Variants in SGCZ observed in about 807,000 individuals in gnomAD.
SGCZ encodes zeta-sarcoglycan.
Under a neutral mutation model 41.3 loss-of-function variants are expected in SGCZ, and 40 were observed. That is an observed-to-expected ratio of 0.97 (90% CI 0.75 to 1.26). SGCZ has a LOEUF of 1.26. SGCZ is among the 50% of genes most tolerant of loss of function. The pLI, the probability that SGCZ is intolerant of heterozygous loss-of-function variation, is 0.00. For synonymous variants in SGCZ, 206 were observed against 137.5 expected (o/e 1.50, Z -3.49); for missense variants, 552 against 369.8 (o/e 1.49, Z -4.04).
Position 14,442,430 on chromosome 8 carries a change from A to C in SGCZ, c.234+112302T>G, listed in dbSNP as rs549374275. Reference sequence around the variant, plus strand: ...AGCCATGTGGAACTGTGAGTCCATTAAGTCTCTTTTTCTTTATAAATTACC... The same window carrying C: ...AGCCATGTGGAACTGTGAGTCCATTCAGTCTCTTTTTCTTTATAAATTACC... On this transcript the variant is annotated intron_variant, in intron 2 of 7. Transcript: ENST00000382080. 6.4e-4 allele frequency among the ~76,000 whole-genome samples: 98 copies of C among 152,262 alleles called. 1 individual carries two copies. The highest frequency in any genetic ancestry group is 2.3e-3 in the African/African-American group (96 of 41,568).
intron 1 of SGCZ, among the ~76,000 whole-genome samples, chr8:15,061,046 G>A (rs910604305): frequency 2.6e-5 from 4 of 152,112 alleles, no homozygotes; most frequent in Non-Finnish European, 5.9e-5. Context: ...TACTGGCTAT[G>A]ATTGACCCAA....
At chr8:14,096,027 T>C (rs545197933) in intron 7 of SGCZ, among the ~76,000 whole-genome samples, 5 of 152,306 alleles carry the variant, frequency 3.3e-5, no homozygotes, top group Admixed American at 2.6e-4. Flanking sequence ...GTTTTCTAAA[T>C]ATACAATCAT....
chr8:14,093,766 A>G (rs1024707513), intron 7 of SGCZ, among the ~76,000 whole-genome samples: 5 of 152,154 alleles, frequency 3.3e-5, no homozygotes, highest in African/African-American at 4.8e-5. Context: ...ATTTGCTCCA[A>G]TTCTCCAAAG....
intron 7 of SGCZ, among the ~76,000 whole-genome samples, chr8:14,102,076 T>TTATATATATATATATATATATA (rs55667194): frequency 1.7e-5 from 2 of 119,918 alleles, no homozygotes; most frequent in African/African-American, 6.9e-5. Context: ...TTGGCTAACT[T>TTATATATATATATATATATATA]TATATATATA....
At chr8:14,582,139 T>G (rs765878052) in intron 1 of SGCZ, among the ~76,000 whole-genome samples, 5 of 152,176 alleles carry the variant, frequency 3.3e-5, no homozygotes, top group Non-Finnish European at 7.3e-5. Flanking sequence ...AGTAACATTT[T>G]ATTTCTCTAA....
intron 3 of SGCZ, among the ~76,000 whole-genome samples, chr8:14,294,303 A>C (rs1307053746): frequency 6.6e-6 from 1 of 151,912 alleles, no homozygotes; most frequent in Non-Finnish European, 1.5e-5. Flanking sequence ...ATTCTCACCG[A>C]CACAACATTA....
intron 5 of SGCZ, among the ~76,000 whole-genome samples, chr8:14,114,072 T>G (rs1202705380): frequency 2.6e-5 from 4 of 152,076 alleles, no homozygotes; most frequent in Non-Finnish European, 5.9e-5. Context: ...TGCATTGCAA[T>G]TTGCTTTAAG....
At chr8:14,137,345 A>T (rs1585168415) in intron 5 of SGCZ, among the ~76,000 whole-genome samples, 1 of 152,250 alleles carries the variant, frequency 6.6e-6, no homozygotes, top group Non-Finnish European at 1.5e-5. Flanking sequence ...AGTTGACAGA[A>T]GTAGGCTTCA....
intron 5 of SGCZ, among the ~76,000 whole-genome samples, chr8:14,110,198 T>C (rs185771268): frequency 3.8e-4 from 58 of 152,214 alleles, no homozygotes; most frequent in African/African-American, 1.3e-3. Flanking sequence ...TTACAAGATA[T>C]ACATTTGTAT....
chr8:14,100,589 A>C (rs1801988443), intron 7 of SGCZ, among the ~76,000 whole-genome samples: 1 of 138,218 alleles, frequency 7.2e-6, no homozygotes, highest in African/African-American at 2.8e-5. Context: ...CAAATAATAT[A>C]TTATATTTTA....
At chr8:14,133,260 G>A (rs755884062) in intron 5 of SGCZ, among the ~76,000 whole-genome samples, 1 of 152,196 alleles carries the variant, frequency 6.6e-6, no homozygotes, top group Admixed American at 6.5e-5. Context: ...ATTTCCCAGA[G>A]AAATTCTCCA....
intron 1 of SGCZ, among the ~76,000 whole-genome samples, chr8:14,638,503 C>T (rs1806909949): frequency 6.6e-6 from 1 of 151,790 alleles, no homozygotes; most frequent in Admixed American, 6.6e-5. Context: ...TAAAGTCCAT[C>T]AATATCTCCT....
At chr8:15,092,024 A>G (rs1026353) in intron 1 of SGCZ, among the ~76,000 whole-genome samples, 137,743 of 152,262 alleles carry the variant, frequency 0.9, 62,318 homozygotes, top group Admixed American at 0.94. Flanking sequence ...AAAGTCCTGG[A>G]ATTATAGGAT....
At chr8:14,199,590 G>A (rs1009251841) in intron 4 of SGCZ, among the ~76,000 whole-genome samples, 2 of 151,880 alleles carry the variant, frequency 1.3e-5, no homozygotes, top group African/African-American at 4.8e-5. Flanking sequence ...ACGGCTCGGG[G>A]GGCATCACGG....
At chr8:14,597,637 C>T (rs962145324) in intron 1 of SGCZ, among the ~76,000 whole-genome samples, 1 of 152,058 alleles carries the variant, frequency 6.6e-6, no homozygotes, top group African/African-American at 2.4e-5. Context: ...GCCACCATGC[C>T]CGGCTAATTT....
rs74635526 is a variant in SGCZ, at chr8:14,279,241, G to C, written c.337-41562C>G. ...ACTTTTGGTTTTCTTTGAGAATTTA[G>C]ATTAAAAAAATTCATAAAACATAGC... On this transcript the variant is annotated intron_variant, in intron 3 of 7. Coordinates refer to ENST00000382080, the MANE Select transcript of SGCZ (RefSeq NM_139167.4). Among the ~76,000 whole-genome samples, 204 of 151,992 alleles carry C rather than the reference G, an allele frequency of 1.3e-3. 2 individuals are homozygous for C. Among genetic ancestry groups the C allele is most frequent in the African/African-American group, 4.8e-3 (198 of 41,500 alleles).
At chr8:14,374,104 G>T (rs1033205621) in intron 2 of SGCZ, among the ~76,000 whole-genome samples, 11 of 152,328 alleles carry the variant, frequency 7.2e-5, no homozygotes, top group African/African-American at 2.6e-4. Flanking sequence ...AAGCCTAGGT[G>T]CAATGGCTCA....
intron 1 of SGCZ, among the ~76,000 whole-genome samples, chr8:15,095,422 C>T (rs566123697): frequency 3.9e-5 from 6 of 152,266 alleles, no homozygotes; most frequent in South Asian, 2.1e-4. Context: ...AACTGGATAA[C>T]ATTTCATCTA....
chr8:14,794,782 T>C (rs368209812), intron 1 of SGCZ, among the ~76,000 whole-genome samples: 1 of 152,160 alleles, frequency 6.6e-6, no homozygotes, highest in East Asian at 1.9e-4. Flanking sequence ...GAATGTACCA[T>C]AGAGGGACAA....
Sources: allele counts gnomAD v4.1 joint callset (sites outside exome capture counted in the v4.1 genomes callset), GRCh38; gene constraint gnomAD v4.1.1; transcripts MANE v1.5; gene names NCBI Gene and HGNC (gene_info 2026-07-23, HGNC 2026-07-21).